MRTFB: variants seen among roughly 807,000 people sequenced by gnomAD.
MRTFB encodes myocardin related transcription factor B, also known as myocardin-related transcription factor B.
MRTFB carries 29 observed loss-of-function variants against 104.2 expected under a neutral mutation model. That is an observed-to-expected ratio of 0.28 (90% CI 0.21 to 0.38). The LOEUF (loss-of-function observed/expected upper bound fraction) is 0.38, where lower values mean the gene tolerates loss of function less well. Among genes scored for constraint, MRTFB ranks in the 10% least tolerant of loss-of-function variants. The probability of loss-of-function intolerance (pLI) is 1.00; values close to 1 mark genes in which losing one functional copy is unlikely to be tolerated. For synonymous variants in MRTFB, 535 were observed against 519.5 expected (o/e 1.03, Z -0.41); for missense variants, 1,270 against 1,341.6 (o/e 0.95, Z 0.83).
chr16:14,247,466 G>A lies in MRTFB; in HGVS notation c.2206G>A (p.Val736Ile), dbSNP rs144318416. Residue 736 changes from valine (V) to isoleucine (I), a missense_variant, in exon 12 of 17, where the codon GTC becomes ATC. Val to Ile is a conservative substitution (Grantham distance 29, BLOSUM62 3). This residue lies in a region of MRTFB where 1,144 missense variants were observed against 1,131.5 expected (regional missense o/e 1.01). Coordinates refer to ENST00000571589, the MANE Select transcript of MRTFB (RefSeq NM_001308142.2). ...LLPVSIQGSSVTSVQLPVGSL... is the reference protein window; with the variant it reads ...LLPVSIQGSSITSVQLPVGSL... ...CCCAGTGTCCATCCAGGGCTCGAGT[G>A]TCACCTCAGTGCAACTCCCTGTAGG... is the stretch of plus-strand genomic sequence containing the variant. 2.5e-4 allele frequency: 396 copies of A among 1,586,052 alleles called. 1 individual carries two copies. In the East Asian group the frequency reaches 6.6e-3, roughly 26 times the overall value.
At chr16:14,143,868 T>A (rs747760046) in intron 3 of MRTFB, 1 of 152,252 alleles carries the variant, frequency 6.6e-6, no homozygotes, top group Non-Finnish European at 1.5e-5. Flanking sequence ...TAAAATGTTA[T>A]GATTACCTAG....
At chr16:14,256,756 G>C (rs72785437) in intron 15 of MRTFB, among the ~76,000 whole-genome samples, 1,998 of 152,268 alleles carry the variant, frequency 0.013, 20 homozygotes, top group Non-Finnish European at 0.022. Context: ...ACAAAACTGT[G>C]ACATAATAAT....
Position 14,218,972 on chromosome 16 carries a change from C to T in MRTFB, c.667C>T (p.Pro223Ser). ...SEPKVSESPS[P>S]VTTNTPAQFA... The stretch of plus-strand genomic sequence containing the variant: ...GCCAAAAGTTAGTGAATCGCCATCT[C>T]CTGTGACTACAAACACTCCAGCGCA... Residue 223 changes from proline to serine, a missense_variant, in exon 8 of 17, where the codon CCT (proline) becomes TCT (serine). Physicochemically the swap from Pro to Ser is moderately conservative, Grantham distance 74 (BLOSUM62 -1). Transcript: ENST00000571589. The T allele has an allele frequency of 6.2e-7, 1 of 1,614,010 alleles. No homozygotes were observed. Among genetic ancestry groups the T allele is most frequent in the Non-Finnish European group, 8.5e-7 (1 of 1,179,948 alleles).
intron 3 of MRTFB, among the ~76,000 whole-genome samples, chr16:14,167,089 T>C (rs2142964640): frequency 6.6e-6 from 1 of 152,350 alleles, no homozygotes; most frequent in South Asian, 2.1e-4. Context: ...TGCCACACTG[T>C]CTTCCACAAT....
chr16:14,124,978 G>C (rs2037038548), intron 2 of MRTFB, among the ~76,000 whole-genome samples: 1 of 152,114 alleles, frequency 6.6e-6, no homozygotes, highest in African/African-American at 2.4e-5. Context: ...GGTGTATAGG[G>C]TTGAATTGTT....
At chr16:14,064,433 T>C in the MRTFB span, among the ~76,000 whole-genome samples, 1 of 152,210 alleles carries the variant, frequency 6.6e-6, no homozygotes, top group Admixed American at 6.6e-5. Context: ...GTTTACTCTG[T>C]TGATAGTTTC....
chr16:14,242,490 G>A (rs1418870522), intron 10 of MRTFB, among the ~76,000 whole-genome samples: 6 of 152,126 alleles, frequency 3.9e-5, no homozygotes, highest in East Asian at 1.9e-4. Context: ...GTTTCCTAAC[G>A]CATTGTTTAT....
the MRTFB span, among the ~76,000 whole-genome samples, chr16:14,051,366 C>A: frequency 6.6e-6 from 1 of 151,812 alleles, no homozygotes; most frequent in Non-Finnish European, 1.5e-5. Flanking sequence ...TACCTATAGG[C>A]ATACAAACAC....
Position 14,246,874 on chromosome 16 carries a change from C to G in MRTFB, c.1614C>G (p.Phe538Leu). 1 of 1,613,540 alleles carries G rather than the reference C, an allele frequency of 6.2e-7. No homozygotes were observed. The highest frequency in any genetic ancestry group is 8.5e-7 in the Non-Finnish European group (1 of 1,180,034). Residue 538 changes from phenylalanine (F) to leucine (L), a missense_variant, in exon 12 of 17, where the codon TTC becomes TTG. Physicochemically the swap from Phe to Leu is conservative, Grantham distance 22 (BLOSUM62 0). Coordinates refer to ENST00000571589, the MANE Select transcript of MRTFB (RefSeq NM_001308142.2). ...TGACCATGATGTCGCCTTCACAGTT[C>G]TTGAGTTCATCTCCTTTGAGAATGA... ...EIMTMMSPSQ[F>L]LSSSPLRMTN...
intron 2 of MRTFB, among the ~76,000 whole-genome samples, chr16:14,092,111 A>G (rs997589950): frequency 5.3e-5 from 8 of 152,128 alleles, no homozygotes; most frequent in Non-Finnish European, 1.0e-4. Context: ...GCCAAGTACA[A>G]TGAGCAAAGT....
chr16:14,015,914 T>A, the MRTFB span: 2 of 398,704 alleles, frequency 5.0e-6, no homozygotes, highest in East Asian at 7.1e-5. Context: ...CCGGGTCTCC[T>A]CCACACTTGG....
At chr16:14,196,258 A>G (rs1356117778) in intron 3 of MRTFB, among the ~76,000 whole-genome samples, 1 of 152,232 alleles carries the variant, frequency 6.6e-6, no homozygotes, top group African/African-American at 2.4e-5. Context: ...GTGTTGAAAC[A>G]TTGTCTTCCT....
At chr16:14,018,688 C>T in the MRTFB span, among the ~76,000 whole-genome samples, 1 of 152,150 alleles carries the variant, frequency 6.6e-6, no homozygotes, top group African/African-American at 2.4e-5. Context: ...CCCACCAGTC[C>T]CCAGCACTAA....
At chr16:14,131,350 A>T (rs758344600) in intron 2 of MRTFB, among the ~76,000 whole-genome samples, 1 of 152,204 alleles carries the variant, frequency 6.6e-6, no homozygotes, top group Non-Finnish European at 1.5e-5. Flanking sequence ...GGATAGCGTG[A>T]CCAGAATTGT....
At position 14,138,883 on chromosome 16, in the gene MRTFB, C is replaced by A. The variant is rs2037857662; in HGVS notation, c.-63-1661C>A. Reference sequence around the variant, plus strand: ...ATCAAATACACATATGCCAAAAAAACCTGAAAAAAAGTTGATTCGTATTTC... The same window carrying A: ...ATCAAATACACATATGCCAAAAAAAACTGAAAAAAAGTTGATTCGTATTTC... On this transcript the variant is annotated intron_variant, in intron 2 of 16. Coordinates refer to ENST00000571589, the MANE Select transcript of MRTFB (RefSeq NM_001308142.2). 2.0e-5 allele frequency among the ~76,000 whole-genome samples: 3 copies of A among 152,056 alleles called. No individual in the cohort carries two copies. The East Asian group carries it at 5.8e-4, about 29-fold the overall frequency.
chr16:14,193,313 C>A (rs985863299), intron 3 of MRTFB, among the ~76,000 whole-genome samples: 1 of 147,606 alleles, frequency 6.8e-6, no homozygotes, highest in African/African-American at 2.5e-5. Flanking sequence ...TTCCGTTGTA[C>A]TTGGGATAAA....
the MRTFB span, among the ~76,000 whole-genome samples, chr16:14,012,245 T>C: frequency 6.6e-6 from 1 of 151,356 alleles, no homozygotes; most frequent in Non-Finnish European, 1.5e-5. Context: ...TTTTTTTTTT[T>C]TGAGACAGAG....
the MRTFB span, among the ~76,000 whole-genome samples, chr16:14,044,699 G>A: frequency 2.6e-5 from 4 of 152,156 alleles, no homozygotes; most frequent in Admixed American, 6.5e-5. Context: ...ACTAGAACCT[G>A]CCAATGAATG....
At chr16:14,007,268 G>A in the MRTFB span, among the ~76,000 whole-genome samples, 1 of 152,130 alleles carries the variant, frequency 6.6e-6, no homozygotes, top group Non-Finnish European at 1.5e-5. Flanking sequence ...TCTATAGAAA[G>A]GAAGTGTTCC....
Sources: gnomAD v4.1 joint callset for allele counts (sites outside exome capture counted in the v4.1 genomes callset) on GRCh38, gnomAD v4.1.1 for gene constraint, gnomAD v4.1.1 regional missense constraint, MANE v1.5 for transcripts, NCBI Gene and HGNC (gene_info 2026-07-23, HGNC 2026-07-21) for gene names.